The following PHLPP1 variants were observed in gnomAD, a reference collection of about 807,000 sequenced individuals.
PHLPP1 encodes the protein PH domain leucine-rich repeat-containing protein phosphatase 1.
Under a neutral mutation model 117.2 loss-of-function variants are expected in PHLPP1, and 42 were observed. That is an observed-to-expected ratio of 0.36 (90% confidence interval 0.28 to 0.46). PHLPP1 has a LOEUF of 0.46. PHLPP1 is among the 20% of genes least tolerant of loss of function. The pLI is 1.00. For missense variants in PHLPP1, 2,084 were observed against 2,241.9 expected (o/e 0.93, Z 1.42); for synonymous variants, 1,042 against 970.7 (o/e 1.07, Z -1.37).
chr18:62,805,097 G>A (rs566402507), intron 1 of PHLPP1, among the ~76,000 whole-genome samples: 1 of 139,900 alleles, frequency 7.1e-6, no homozygotes, highest in Non-Finnish European at 1.6e-5. Flanking sequence ...GCACTGCATA[G>A]GTTATACATA....
At chr18:62,974,329 G>A (rs1227507017) in intron 15 of PHLPP1, among the ~76,000 whole-genome samples, 1 of 152,136 alleles carries the variant, frequency 6.6e-6, no homozygotes, top group Non-Finnish European at 1.5e-5. Flanking sequence ...GGGTTGTGTG[G>A]TGAGCTTTTG....
chr18:62,861,973 G>A (rs1017374144), intron 4 of PHLPP1, among the ~76,000 whole-genome samples: 1 of 152,054 alleles, frequency 6.6e-6, no homozygotes, highest in Non-Finnish European at 1.5e-5. Context: ...TTAAGTGTTG[G>A]TCATTTGGAG....
rs185879284 is a variant in PHLPP1, at chr18:62,827,455, G to A, written c.1577-2580G>A. 9.3e-4 allele frequency among the ~76,000 whole-genome samples: 141 copies of A among 152,282 alleles called. No individual in the cohort carries two copies. The Middle Eastern group carries it at 0.014, about 15-fold the overall frequency. On this transcript the variant is annotated intron_variant, in intron 1 of 16. Transcript: ENST00000262719. ...AATATTCCTTATGTTGTAGAACAAG[G>A]AAGTCTGTTAAAAAGGAGGGTGCAC...
At position 62,739,992 on chromosome 18, in the gene PHLPP1, C is replaced by T. The variant is rs144222857; in HGVS notation, c.1576+22733C>T. On this transcript the variant is annotated intron_variant, in intron 1 of 16. Coordinates refer to ENST00000262719, the MANE Select transcript of PHLPP1 (RefSeq NM_194449.4). Reference sequence around the variant, plus strand: ...TCCTTCCTTGGGCCATCCTAAAGCACCTTACTGCACTGGAAGGGAAACGGG... The same window carrying T: ...TCCTTCCTTGGGCCATCCTAAAGCATCTTACTGCACTGGAAGGGAAACGGG... Among the ~76,000 whole-genome samples, 18 of 152,212 alleles carry T rather than the reference C, an allele frequency of 1.2e-4. 1 individual carries two copies. In the East Asian group the frequency reaches 3.1e-3, roughly 26 times the overall value.
At chr18:62,977,041 C>G (rs985123050) in intron 16 of PHLPP1, among the ~76,000 whole-genome samples, 1 of 152,174 alleles carries the variant, frequency 6.6e-6, no homozygotes, top group Admixed American at 6.5e-5. Context: ...ACAGCAAGAA[C>G]AGTTTCTGCC....
chr18:62,901,629 T>C (rs1916726200), intron 6 of PHLPP1, among the ~76,000 whole-genome samples: 1 of 38,076 alleles, frequency 2.6e-5, no homozygotes, highest in South Asian at 6.1e-4. Flanking sequence ...TCCTTTTTTC[T>C]TTTTTTTTTT....
At chr18:62,748,494 G>A (rs543287036) in intron 1 of PHLPP1, among the ~76,000 whole-genome samples, 21 of 152,202 alleles carry the variant, frequency 1.4e-4, no homozygotes, top group African/African-American at 3.9e-4. Flanking sequence ...CAGTCTGCCG[G>A]CCTTGGCCAC....
At chr18:62,891,541 C>T (rs372813556) in intron 4 of PHLPP1, among the ~76,000 whole-genome samples, 2 of 151,826 alleles carry the variant, frequency 1.3e-5, no homozygotes, top group Non-Finnish European at 2.9e-5. Context: ...GCCGAGATCA[C>T]GCCACTGCAC....
intron 5 of PHLPP1, 21 bp from the exon 6 acceptor site, chr18:62,895,760 T>C (rs1306929928): frequency 7.3e-7 from 1 of 1,371,458 alleles, no homozygotes; most frequent in Admixed American, 1.7e-5. Flanking sequence ...CTCTTTGTAA[T>C]TCTTATGTTT....
At chr18:62,976,588 C>T (rs530694603) in intron 16 of PHLPP1, among the ~76,000 whole-genome samples, 3 of 152,284 alleles carry the variant, frequency 2.0e-5, no homozygotes, top group African/African-American at 7.2e-5. Flanking sequence ...TCTTCTGCTC[C>T]CTAGCACAGT....
intron 4 of PHLPP1, among the ~76,000 whole-genome samples, chr18:62,888,832 C>A (rs1020109395): frequency 6.6e-6 from 1 of 152,180 alleles, no homozygotes; most frequent in Non-Finnish European, 1.5e-5. Context: ...CTGGCTGTCT[C>A]CTTTGCATTC....
rs777256421 is a variant in PHLPP1, at chr18:62,972,495, A to C, written c.3561-19A>C. Reference sequence around the variant, plus strand: ...AGGAGGATGAGTGGACTCAGCACAGAAGTGTGGTTGCCTTGCAGGTTGTGT... The same window carrying C: ...AGGAGGATGAGTGGACTCAGCACAGCAGTGTGGTTGCCTTGCAGGTTGTGT... On this transcript the variant is annotated intron_variant, in intron 14 of 16. Transcript: ENST00000262719. The C allele has an allele frequency of 5.6e-6, 9 of 1,609,386 alleles. No homozygotes were observed. In the South Asian group the frequency reaches 9.9e-5, roughly 18 times the overall value.
intron 2 of PHLPP1, among the ~76,000 whole-genome samples, chr18:62,830,856 A>G (rs914226059): frequency 1.3e-4 from 20 of 152,352 alleles, no homozygotes; most frequent in African/African-American, 4.6e-4. Flanking sequence ...TACATTTTCT[A>G]GTAGAGTATA....
intron 1 of PHLPP1, among the ~76,000 whole-genome samples, chr18:62,732,528 G>A (rs1911255110): frequency 6.6e-6 from 1 of 152,300 alleles, no homozygotes; most frequent in South Asian, 2.1e-4. Context: ...TGAGGGAGAT[G>A]TACATAGAGG....
chr18:62,827,478 C>A (rs1354953013), intron 1 of PHLPP1, among the ~76,000 whole-genome samples: 1 of 152,168 alleles, frequency 6.6e-6, no homozygotes, highest in Admixed American at 6.6e-5. Context: ...AAGGAGGGTG[C>A]ACCTGGGTGA....
intron 3 of PHLPP1, among the ~76,000 whole-genome samples, chr18:62,850,391 G>T (rs908705113): frequency 2.2e-5 from 3 of 136,480 alleles, no homozygotes; most frequent in Admixed American, 7.2e-5. Context: ...CATCTCGGGG[G>T]GGCGGGGGGG....
At chr18:62,966,949 G>A (rs1043474976) in intron 14 of PHLPP1, among the ~76,000 whole-genome samples, 10 of 152,118 alleles carry the variant, frequency 6.6e-5, no homozygotes, top group African/African-American at 2.4e-4. Flanking sequence ...TTTCCAGGAT[G>A]TCCTATAAAC....
At chr18:62,842,022 GAATAAT>G (rs895137863) in intron 3 of PHLPP1, among the ~76,000 whole-genome samples, 3 of 151,884 alleles carry the variant, frequency 2.0e-5, no homozygotes, top group Non-Finnish European at 4.4e-5. Flanking sequence ...CTAATAAGGG[GAATAAT>G]AATAATAATA....
chr18:62,870,210 C>G (rs1349556673), intron 4 of PHLPP1, among the ~76,000 whole-genome samples: 1 of 152,140 alleles, frequency 6.6e-6, no homozygotes, highest in Non-Finnish European at 1.5e-5. Flanking sequence ...GTTTCTCTTT[C>G]ATTACACACT....
Sources: gnomAD v4.1 joint callset for allele counts (sites outside exome capture counted in the v4.1 genomes callset) on GRCh38, gnomAD v4.1.1 for gene constraint, MANE v1.5 for transcripts, NCBI Gene and HGNC (gene_info 2026-07-23, HGNC 2026-07-21) for gene names.